The following SLC25A13 variants were observed in gnomAD, a reference collection of about 807,000 sequenced individuals.
The protein encoded by SLC25A13 is solute carrier family 25 member 13, also known as electrogenic aspartate/glutamate antiporter SLC25A13, mitochondrial.
In SLC25A13, 70 loss-of-function variants were observed where a neutral mutation model predicts 85.5. The ratio of observed to expected loss-of-function variants is 0.82; its 90% CI spans 0.68 to 1.00. The LOEUF is 1.00. SLC25A13 is among the 50% of genes least tolerant of loss of function. The pLI is 0.00. For synonymous variants in SLC25A13, 259 were observed against 288.7 expected (o/e 0.90, Z 1.04); for missense variants, 765 against 819.8 (o/e 0.93, Z 0.82).
At chr7:96,196,692 A>G (rs193152435) in intron 5 of SLC25A13, among the ~76,000 whole-genome samples, 110 of 152,356 alleles carry the variant, frequency 7.2e-4, no homozygotes, top group African/African-American at 2.5e-3. Flanking sequence ...TGGGGGCATT[A>G]TAAGTTCCAC....
At chr7:96,234,179 T>C (rs1463435173) in intron 4 of SLC25A13, among the ~76,000 whole-genome samples, 1 of 152,212 alleles carries the variant, frequency 6.6e-6, no homozygotes, top group East Asian at 1.9e-4. Context: ...CCCTTTCTTC[T>C]AAGAATTTGA....
intron 13 of SLC25A13, among the ~76,000 whole-genome samples, chr7:96,147,054 TC>T (rs1792831987): frequency 6.7e-6 from 1 of 148,356 alleles, no homozygotes. Context: ...TGAAAAGCAT[TC>T]GTATCCAAAT....
chr7:96,225,511 G>A (rs1796298436), intron 4 of SLC25A13, among the ~76,000 whole-genome samples: 1 of 151,218 alleles, frequency 6.6e-6, no homozygotes, highest in Admixed American at 6.6e-5. Context: ...CTCCAGCCTG[G>A]GTGACAGACC....
At chr7:96,236,917 G>A (rs935212854) in intron 3 of SLC25A13, among the ~76,000 whole-genome samples, 7 of 152,198 alleles carry the variant, frequency 4.6e-5, no homozygotes, top group Admixed American at 3.9e-4. Flanking sequence ...AGTCTGGGCA[G>A]AATAGACTTC....
chr7:96,241,577 A>G (rs891348195), intron 3 of SLC25A13, among the ~76,000 whole-genome samples: 1 of 152,236 alleles, frequency 6.6e-6, no homozygotes, highest in African/African-American at 2.4e-5. Flanking sequence ...GCATACACAC[A>G]AAGTCTGAAG....
intron 4 of SLC25A13, among the ~76,000 whole-genome samples, chr7:96,228,909 C>T (rs1430844261): frequency 2.0e-5 from 3 of 152,174 alleles, no homozygotes; most frequent in Non-Finnish European, 4.4e-5. Flanking sequence ...ACCCACGCTG[C>T]ACTCGAATTC....
chr7:96,274,843 G>A (rs1158929471), intron 3 of SLC25A13, among the ~76,000 whole-genome samples: 5 of 152,056 alleles, frequency 3.3e-5, no homozygotes, highest in Admixed American at 6.6e-5. Flanking sequence ...ATTTCTGGGG[G>A]CTCTGTTCTG....
chr7:96,153,364 A>G (rs542503131), intron 13 of SLC25A13, among the ~76,000 whole-genome samples: 1 of 152,268 alleles, frequency 6.6e-6, no homozygotes, highest in Non-Finnish European at 1.5e-5. Context: ...GGAAGTTATG[A>G]TTAAGTTACT....
At chr7:96,312,316 T>C (rs540359781) in intron 1 of SLC25A13, among the ~76,000 whole-genome samples, 6 of 152,342 alleles carry the variant, frequency 3.9e-5, no homozygotes, top group Admixed American at 1.3e-4. Flanking sequence ...TTACATGTCA[T>C]AGGATTGTTA....
intron 15 of SLC25A13, among the ~76,000 whole-genome samples, chr7:96,125,027 G>A (rs961677719): frequency 6.6e-6 from 1 of 151,986 alleles, no homozygotes; most frequent in African/African-American, 2.4e-5. Flanking sequence ...CAGCAATAAT[G>A]GAGACCTACC....
intron 15 of SLC25A13, among the ~76,000 whole-genome samples, chr7:96,124,041 G>A (rs1318280268): frequency 2.0e-5 from 3 of 152,170 alleles, no homozygotes; most frequent in Non-Finnish European, 4.4e-5. Context: ...TCAATGACAA[G>A]ACAAACACAG....
intron 3 of SLC25A13, among the ~76,000 whole-genome samples, chr7:96,273,297 C>A (rs1252053698): frequency 6.6e-6 from 1 of 151,942 alleles, no homozygotes; most frequent in Non-Finnish European, 1.5e-5. Flanking sequence ...TAACTAACTG[C>A]AGTATAATCT....
At chr7:96,244,306 A>G (rs2116846622) in intron 3 of SLC25A13, among the ~76,000 whole-genome samples, 1 of 152,328 alleles carries the variant, frequency 6.6e-6, no homozygotes, top group East Asian at 1.9e-4. Context: ...TAGGCAGATG[A>G]AGAGGATGCT....
chr7:96,278,738 T>C (rs933970466), intron 2 of SLC25A13, among the ~76,000 whole-genome samples: 11 of 152,158 alleles, frequency 7.2e-5, no homozygotes, highest in African/African-American at 2.7e-4. Context: ...TTTAGCACAC[T>C]ACAAGGGAAA....
At chr7:96,169,627 G>T (rs1793916234) in intron 13 of SLC25A13, among the ~76,000 whole-genome samples, 1 of 152,186 alleles carries the variant, frequency 6.6e-6, no homozygotes, top group Admixed American at 6.5e-5. Context: ...TCTGCCACTT[G>T]CAAGGCAAAG....
At chr7:96,135,213 C>T (rs1792224776) in intron 14 of SLC25A13, among the ~76,000 whole-genome samples, 1 of 152,120 alleles carries the variant, frequency 6.6e-6, no homozygotes, top group Admixed American at 6.5e-5. Flanking sequence ...CATTAAAGGA[C>T]ACAAATGTGT....
intron 3 of SLC25A13, among the ~76,000 whole-genome samples, chr7:96,237,994 C>T (rs957622556): frequency 6.6e-6 from 1 of 152,108 alleles, no homozygotes; most frequent in African/African-American, 2.4e-5. Flanking sequence ...AAGAGAGATG[C>T]TGGTATGGGC....
intron 4 of SLC25A13, among the ~76,000 whole-genome samples, chr7:96,217,807 A>T (rs1795951215): frequency 6.6e-6 from 1 of 151,558 alleles, no homozygotes; most frequent in Non-Finnish European, 1.5e-5. Flanking sequence ...CTACAATTGA[A>T]TGTGGTGATA....
intron 13 of SLC25A13, among the ~76,000 whole-genome samples, chr7:96,149,916 C>A (rs1370870443): frequency 6.6e-6 from 1 of 152,172 alleles, no homozygotes; most frequent in African/African-American, 2.4e-5. Flanking sequence ...TGCACAATGT[C>A]TTTGCGTCCC....
Sources: allele counts gnomAD v4.1 joint callset (sites outside exome capture counted in the v4.1 genomes callset), GRCh38; gene constraint gnomAD v4.1.1; transcripts MANE v1.5; gene names NCBI Gene and HGNC (gene_info 2026-07-23, HGNC 2026-07-21).